The following NRXN3 variants were observed in gnomAD, a reference collection of about 807,000 sequenced individuals.
NRXN3 encodes neurexin III.
In NRXN3, 32 loss-of-function variants were observed where a neutral mutation model predicts 137.6. The ratio of observed to expected loss-of-function variants is 0.23; its 90% CI spans 0.18 to 0.31. The LOEUF (loss-of-function observed/expected upper bound fraction) is 0.31. NRXN3 is among the 10% of genes least tolerant of loss of function. The probability of loss-of-function intolerance (pLI) is 1.00; values close to 1 mark genes in which losing one functional copy is unlikely to be tolerated. For synonymous variants in NRXN3, 798 were observed against 784.5 expected, an observed-to-expected ratio of 1.02 and a Z score of -0.29; for missense variants, 1,574 against 2,062.5, an observed-to-expected ratio of 0.76 and a Z score of 4.59.
chr14:78,406,729 G>T (rs912118577), intron 4 of NRXN3, among the ~76,000 whole-genome samples: 1 of 152,170 alleles, frequency 6.6e-6, no homozygotes, highest in African/African-American at 2.4e-5. Flanking sequence ...TATTACCAGT[G>T]CCCACTGATC....
intron 16 of NRXN3, among the ~76,000 whole-genome samples, chr14:79,620,691 G>C (rs556637590): frequency 1.2e-4 from 19 of 152,240 alleles, no homozygotes; most frequent in African/African-American, 4.3e-4. Flanking sequence ...AAGAGAAAAT[G>C]AGGGGTTTTC....
chr14:78,445,258 G>A (rs2094386247), intron 4 of NRXN3, among the ~76,000 whole-genome samples: 1 of 152,174 alleles, frequency 6.6e-6, no homozygotes, highest in South Asian at 2.1e-4. Context: ...TTGGTTATTG[G>A]AAAACCTGGG....
intron 4 of NRXN3, among the ~76,000 whole-genome samples, chr14:78,420,314 A>G (rs1328204055): frequency 6.6e-6 from 1 of 152,270 alleles, no homozygotes; most frequent in East Asian, 1.9e-4. Context: ...CAGGAAAGGT[A>G]GTAGAGAAAA....
intron 10 of NRXN3, among the ~76,000 whole-genome samples, chr14:78,866,305 A>G (rs1018309919): frequency 2.6e-5 from 4 of 152,212 alleles, no homozygotes; most frequent in Non-Finnish European, 4.4e-5. Context: ...TGTGTTGATT[A>G]TACTAAATTA....
chr14:78,943,770 G>C (rs1017523048), intron 10 of NRXN3, among the ~76,000 whole-genome samples: 3 of 148,554 alleles, frequency 2.0e-5, no homozygotes, highest in African/African-American at 4.9e-5. Context: ...AATAACAGAA[G>C]CAAAACTGTG....
At chr14:78,653,624 T>C (rs928412317) in intron 6 of NRXN3, among the ~76,000 whole-genome samples, 2 of 152,018 alleles carry the variant, frequency 1.3e-5, no homozygotes, top group African/African-American at 4.8e-5. Flanking sequence ...TCAGGAAGGA[T>C]GCCCTGAAAA....
chr14:78,363,101 G>A (rs1390078226), intron 4 of NRXN3, among the ~76,000 whole-genome samples: 1 of 152,184 alleles, frequency 6.6e-6, no homozygotes, highest in Non-Finnish European at 1.5e-5. Flanking sequence ...AGTCGGGAAG[G>A]TCATTCCTGC....
chr14:79,565,659 T>A (rs1419398986), intron 16 of NRXN3, among the ~76,000 whole-genome samples: 1 of 152,030 alleles, frequency 6.6e-6, no homozygotes, highest in Non-Finnish European at 1.5e-5. Context: ...CCTATTTGGT[T>A]GAATTTTACA....
intron 19 of NRXN3, among the ~76,000 whole-genome samples, chr14:79,741,502 T>G (rs2098962969): frequency 6.6e-6 from 1 of 152,082 alleles, no homozygotes; most frequent in South Asian, 2.1e-4. Context: ...TGTTGTTGTT[T>G]TTGAGACAGT....
intron 15 of NRXN3, among the ~76,000 whole-genome samples, chr14:79,198,734 G>T (rs75487315): frequency 0.036 from 5,416 of 152,270 alleles, 230 homozygotes; most frequent in East Asian, 0.21. Flanking sequence ...CTGTTAGCTG[G>T]TTTACTTAGA....
chr14:79,198,441 T>A (rs2065437826), intron 15 of NRXN3, among the ~76,000 whole-genome samples: 1 of 152,216 alleles, frequency 6.6e-6, no homozygotes, highest in African/African-American at 2.4e-5. Context: ...TTTATACCAC[T>A]AGGAGAATTT....
At chr14:79,853,671 T>C (rs1286963935) in intron 20 of NRXN3, 5 of 1,302,356 alleles carry the variant, frequency 3.8e-6, no homozygotes, top group South Asian at 2.5e-5. Context: ...CCTTCCTGCA[T>C]CTTTCCTTCC....
At chr14:79,379,381 G>T (rs1423304962) in intron 15 of NRXN3, among the ~76,000 whole-genome samples, 1 of 152,164 alleles carries the variant, frequency 6.6e-6, no homozygotes, top group Non-Finnish European at 1.5e-5. Flanking sequence ...ATTCCGTAAA[G>T]TGTTGGTGCC....
chr14:78,569,423 G>A (rs760475441), intron 4 of NRXN3, among the ~76,000 whole-genome samples: 6 of 150,950 alleles, frequency 4.0e-5, no homozygotes, highest in Non-Finnish European at 7.4e-5. Context: ...CCACTACCAC[G>A]CCCAGCTAAT....
chr14:79,278,226 G>C (rs910128687), intron 15 of NRXN3, among the ~76,000 whole-genome samples: 32 of 152,258 alleles, frequency 2.1e-4, no homozygotes, highest in African/African-American at 7.2e-4. Context: ...AATGTAATGG[G>C]CTTTTTACCC....
At chr14:79,393,713 G>T (rs1238460320) in intron 15 of NRXN3, among the ~76,000 whole-genome samples, 2 of 152,160 alleles carry the variant, frequency 1.3e-5, no homozygotes, top group Admixed American at 1.3e-4. Context: ...TACTCGGGAG[G>T]CTGAGGCAGG....
At chr14:78,930,025 T>G (rs2099317260) in intron 10 of NRXN3, among the ~76,000 whole-genome samples, 1 of 152,230 alleles carries the variant, frequency 6.6e-6, no homozygotes, top group Non-Finnish European at 1.5e-5. Flanking sequence ...TCAGCCTACC[T>G]TAAAACTTCT....
intron 16 of NRXN3, among the ~76,000 whole-genome samples, chr14:79,650,875 G>A (rs1261789551): frequency 6.6e-6 from 1 of 152,138 alleles, no homozygotes; most frequent in Non-Finnish European, 1.5e-5. Context: ...GCCAACTCAT[G>A]GTGGTCCAAA....
intron 20 of NRXN3, among the ~76,000 whole-genome samples, chr14:79,847,057 C>G (rs2099378106): frequency 6.6e-6 from 1 of 152,108 alleles, no homozygotes; most frequent in Non-Finnish European, 1.5e-5. Flanking sequence ...CTATTGTGTT[C>G]AAAGACTGTT....
Sources: gnomAD v4.1 joint callset for allele counts (sites outside exome capture counted in the v4.1 genomes callset) on GRCh38, gnomAD v4.1.1 for gene constraint, MANE v1.5 for transcripts, NCBI Gene and HGNC (gene_info 2026-07-23, HGNC 2026-07-21) for gene names.